The following TBC1D22A variants were observed in gnomAD, a reference collection of about 807,000 sequenced individuals.
TBC1D22A encodes TBC1 domain family member 22A, also known as putative GTPase activator.
A neutral mutation model predicts 60.2 loss-of-function variants in TBC1D22A; 38 were observed. The observed-to-expected ratio is 0.63, with a 90% CI of 0.49 to 0.83. TBC1D22A has a LOEUF of 0.83. TBC1D22A is among the 40% of genes least tolerant of loss of function. TBC1D22A has a pLI of 0.00. For synonymous variants in TBC1D22A, 302 were observed against 281.7 expected, an observed-to-expected ratio of 1.07 and a Z score of -0.72; for missense variants, 628 against 701.0, an observed-to-expected ratio of 0.90 and a Z score of 1.18.
intron 12 of TBC1D22A, among the ~76,000 whole-genome samples, chr22:47,154,055 G>A (rs995053127): frequency 1.5e-4 from 23 of 152,184 alleles, no homozygotes; most frequent in Non-Finnish European, 8.8e-5. Context: ...CTGTGACTGC[G>A]AGTGGATGAG....
At chr22:46,882,915 G>T (rs1191600441) in intron 5 of TBC1D22A, among the ~76,000 whole-genome samples, 1 of 152,150 alleles carries the variant, frequency 6.6e-6, no homozygotes, top group Non-Finnish European at 1.5e-5. Flanking sequence ...TGATGAGTGG[G>T]CAGTGCCACT....
intron 4 of TBC1D22A, among the ~76,000 whole-genome samples, chr22:46,824,392 G>A (rs185198238): frequency 1.3e-3 from 201 of 152,328 alleles, no homozygotes; most frequent in South Asian, 7.0e-3. Flanking sequence ...CTAAGGAGGG[G>A]TGTGTGGGGA....
chr22:46,780,112 G>A (rs1021526943), intron 1 of TBC1D22A, among the ~76,000 whole-genome samples: 3 of 152,216 alleles, frequency 2.0e-5, no homozygotes, highest in Non-Finnish European at 2.9e-5. Flanking sequence ...GTATCACCAT[G>A]TGTTAGAATG....
At chr22:46,929,730 G>T (rs539360084) in intron 8 of TBC1D22A, among the ~76,000 whole-genome samples, 1 of 151,956 alleles carries the variant, frequency 6.6e-6, no homozygotes, top group Non-Finnish European at 1.5e-5. Flanking sequence ...GTGCGTGTGT[G>T]CATGCATGTA....
rs200289381 is a variant in TBC1D22A, at chr22:47,015,739, C to T, written c.1201+18030C>T. Among the ~76,000 whole-genome samples the T allele has an allele frequency of 2.6e-4, 39 of 152,306 alleles. No individual in the cohort carries two copies. The East Asian group carries it at 3.1e-3, about 12-fold the overall frequency. On this transcript the variant is annotated intron_variant, in intron 10 of 12. Transcript: ENST00000337137. ...AGATCCAACATCCCTGGCCACCAGC[C>T]GCCTCGTGGTGGTCTCAGCCAGGAG... is the stretch of plus-strand genomic sequence containing the variant.
At chr22:46,889,679 C>G (rs2068295459) in intron 5 of TBC1D22A, among the ~76,000 whole-genome samples, 1 of 152,200 alleles carries the variant, frequency 6.6e-6, no homozygotes, top group Non-Finnish European at 1.5e-5. Context: ...ACAGCTGATT[C>G]ACGTAACTTG....
intron 7 of TBC1D22A, among the ~76,000 whole-genome samples, chr22:46,910,835 CAG>C (rs998786170): frequency 1.1e-4 from 16 of 147,792 alleles, no homozygotes; most frequent in East Asian, 3.9e-4. Flanking sequence ...GCTGATCACT[CAG>C]GGGGATCGAG....
chr22:46,835,399 A>G (rs2086474734), intron 4 of TBC1D22A, among the ~76,000 whole-genome samples: 3 of 152,222 alleles, frequency 2.0e-5, no homozygotes, highest in African/African-American at 7.2e-5. Context: ...AAAGAGAGAA[A>G]TCATAAAAAA....
At chr22:46,984,880 G>GC (rs2074662261) in intron 9 of TBC1D22A, among the ~76,000 whole-genome samples, 1 of 152,216 alleles carries the variant, frequency 6.6e-6, no homozygotes, top group African/African-American at 2.4e-5. Context: ...GGTGGGGCTG[G>GC]CGTGAGTTGA....
chr22:47,136,412 C>T (rs567434709), intron 12 of TBC1D22A, among the ~76,000 whole-genome samples: 6 of 152,246 alleles, frequency 3.9e-5, no homozygotes, highest in Admixed American at 2.0e-4. Context: ...CTCCACGCTT[C>T]GACCAAAGCT....
intron 8 of TBC1D22A, chr22:46,914,497 C>G (rs1257393727): frequency 6.6e-6 from 1 of 151,678 alleles, no homozygotes; most frequent in Non-Finnish European, 1.5e-5. Flanking sequence ...CATTTGTAGT[C>G]CTTTTTAGAT....
intron 3 of TBC1D22A, among the ~76,000 whole-genome samples, chr22:46,794,733 G>C (rs900294376): frequency 6.6e-6 from 1 of 152,188 alleles, no homozygotes; most frequent in Non-Finnish European, 1.5e-5. Flanking sequence ...GAACGCGGTG[G>C]CCCTGAGAGC....
chr22:47,029,870 C>T (rs1178215388), intron 10 of TBC1D22A, among the ~76,000 whole-genome samples: 2 of 152,246 alleles, frequency 1.3e-5, no homozygotes, highest in Non-Finnish European at 2.9e-5. Context: ...GACTGCTTCC[C>T]CCAGAGTGGC....
intron 8 of TBC1D22A, among the ~76,000 whole-genome samples, chr22:46,939,764 G>A (rs2071874052): frequency 1.3e-5 from 2 of 152,220 alleles, no homozygotes; most frequent in Admixed American, 6.5e-5. Flanking sequence ...GTAACGAGGA[G>A]CTAAAACCGA....
At chr22:46,876,926 T>TA (rs2067595295) in intron 4 of TBC1D22A, among the ~76,000 whole-genome samples, 1 of 152,252 alleles carries the variant, frequency 6.6e-6, no homozygotes, top group Non-Finnish European at 1.5e-5. Flanking sequence ...AGCATGTGGG[T>TA]AAAGCTACAA....
chr22:47,063,756 G>A (rs1382673959), intron 11 of TBC1D22A, among the ~76,000 whole-genome samples: 1 of 152,164 alleles, frequency 6.6e-6, no homozygotes, highest in Non-Finnish European at 1.5e-5. Flanking sequence ...AGCTTCGAGG[G>A]AGAATCTGCC....
Position 46,789,640 on chromosome 22 carries a change from A to T in TBC1D22A, c.63-2880A>T, listed in dbSNP as rs368903878. On this transcript the variant is annotated intron_variant, in intron 1 of 12. Transcript: ENST00000337137. ...ATAATTAATATGTTGTGCTGCAGGC[A>T]TAGGAATGGGATACTGAATAGAAAC... Among the ~76,000 whole-genome samples the T allele has an allele frequency of 1.1e-4, 17 of 152,358 alleles. No homozygotes were observed. In the East Asian group the frequency reaches 3.3e-3, roughly 29 times the overall value.
chr22:46,903,838 T>C (rs1017323464), intron 7 of TBC1D22A, among the ~76,000 whole-genome samples: 6 of 152,106 alleles, frequency 3.9e-5, no homozygotes, highest in Non-Finnish European at 5.9e-5. Context: ...TGGGTAGTGG[T>C]TGGGACTGAG....
intron 9 of TBC1D22A, among the ~76,000 whole-genome samples, chr22:46,977,416 C>T (rs764341710): frequency 6.6e-6 from 1 of 152,068 alleles, no homozygotes; most frequent in Admixed American, 6.6e-5. Flanking sequence ...TCAGCATCAC[C>T]CCTCTGTCCC....
Sources: gnomAD v4.1 joint callset for allele counts (sites outside exome capture counted in the v4.1 genomes callset) on GRCh38, gnomAD v4.1.1 for gene constraint, MANE v1.5 for transcripts, NCBI Gene and HGNC (gene_info 2026-07-23, HGNC 2026-07-21) for gene names.